The following GRIP1 variants were observed in gnomAD, a reference collection of about 807,000 sequenced individuals.
The protein encoded by GRIP1 is glutamate receptor-interacting protein 1.
GRIP1 carries 45 observed loss-of-function variants against 129.9 expected under a neutral mutation model. The ratio of observed to expected loss-of-function variants is 0.35; its 90% CI spans 0.27 to 0.44. The LOEUF is 0.44. Ranked by LOEUF, GRIP1 falls within the 20% of genes least tolerant of loss-of-function variation. GRIP1 has a pLI of 1.00. For missense variants in GRIP1, 1,196 were observed against 1,396.8 expected (o/e 0.86, Z 2.29); for synonymous variants, 530 against 520.8 (o/e 1.02, Z -0.24).
chr12:66,869,206 A>C (rs1338912743), intron 1 of GRIP1, among the ~76,000 whole-genome samples: 1 of 151,994 alleles, frequency 6.6e-6, no homozygotes. Flanking sequence ...CTTAATAGGT[A>C]CTCAATATTT....
At chr12:66,799,823 AATAAATT>A (rs1193019358) in intron 1 of GRIP1, among the ~76,000 whole-genome samples, 1 of 152,166 alleles carries the variant, frequency 6.6e-6, no homozygotes, top group Middle Eastern at 3.2e-3. Context: ...AACCAGTAAG[AATAAATT>A]ACTTATCTAA....
intron 1 of GRIP1, among the ~76,000 whole-genome samples, chr12:66,964,365 T>C (rs1459830653): frequency 8.6e-5 from 13 of 152,040 alleles, no homozygotes; most frequent in South Asian, 2.1e-4. Flanking sequence ...TGTGTGTGTA[T>C]AGATGTGTGA....
At chr12:66,455,008 G>A (rs1054580203) in intron 11 of GRIP1, among the ~76,000 whole-genome samples, 3 of 152,064 alleles carry the variant, frequency 2.0e-5, no homozygotes, top group African/African-American at 4.8e-5. Context: ...GGGGAGCATC[G>A]TTTTCACAAA....
chr12:66,561,163 A>G (rs2062513288), intron 2 of GRIP1, among the ~76,000 whole-genome samples: 1 of 152,198 alleles, frequency 6.6e-6, no homozygotes, highest in South Asian at 2.1e-4. Context: ...TAGAGAGTAG[A>G]ATAAAGGTTA....
chr12:66,783,884 A>T (rs2038235329), intron 1 of GRIP1, among the ~76,000 whole-genome samples: 1 of 152,178 alleles, frequency 6.6e-6, no homozygotes, highest in African/African-American at 2.4e-5. Context: ...CTTTCTAAAT[A>T]TCTAACCTGT....
chr12:66,478,212 G>C (rs1162810393), intron 7 of GRIP1, among the ~76,000 whole-genome samples: 1 of 152,176 alleles, frequency 6.6e-6, no homozygotes, highest in Non-Finnish European at 1.5e-5. Context: ...CAAAAAGTGG[G>C]CTAAGGATAT....
At chr12:66,690,031 G>C (rs917748192) in intron 1 of GRIP1, among the ~76,000 whole-genome samples, 2 of 151,980 alleles carry the variant, frequency 1.3e-5, no homozygotes, top group Admixed American at 1.3e-4. Context: ...CAATTCTCCT[G>C]CCTCAGCCTC....
intron 1 of GRIP1, among the ~76,000 whole-genome samples, chr12:67,023,662 G>A (rs973576704): frequency 1.3e-5 from 2 of 151,868 alleles, no homozygotes; most frequent in African/African-American, 4.8e-5. Context: ...ATGTCTGCTG[G>A]GATTTTATTG....
At chr12:66,366,766 C>G (rs1565669765) in intron 23 of GRIP1, among the ~76,000 whole-genome samples, 1 of 152,196 alleles carries the variant, frequency 6.6e-6, no homozygotes, top group Non-Finnish European at 1.5e-5. Context: ...TCACTGAAGC[C>G]TTGACCTTCC....
intron 1 of GRIP1, among the ~76,000 whole-genome samples, chr12:67,000,128 C>T (rs1005356021): frequency 7.9e-5 from 12 of 152,092 alleles, no homozygotes; most frequent in African/African-American, 2.9e-4. Context: ...AAGGACCTCT[C>T]GAGGGAAGCA....
At chr12:66,443,495 C>T (rs1329607629) in intron 13 of GRIP1, among the ~76,000 whole-genome samples, 1 of 150,786 alleles carries the variant, frequency 6.6e-6, no homozygotes, top group African/African-American at 2.4e-5. Context: ...GCCCAGATTG[C>T]CCAGGCTGGA....
chr12:66,669,181 G>A (rs796609172), intron 1 of GRIP1, among the ~76,000 whole-genome samples: 1 of 152,148 alleles, frequency 6.6e-6, no homozygotes, highest in African/African-American at 2.4e-5. Flanking sequence ...GGGAGGCCAA[G>A]GTGGGCAGAT....
chr12:66,913,328 G>C (rs2041064210), intron 1 of GRIP1, among the ~76,000 whole-genome samples: 1 of 152,058 alleles, frequency 6.6e-6, no homozygotes, highest in African/African-American at 2.4e-5. Context: ...CATTTTGCAA[G>C]ATTAATGTCT....
chr12:66,911,099 G>T (rs947145668), intron 1 of GRIP1, among the ~76,000 whole-genome samples: 1 of 152,230 alleles, frequency 6.6e-6, no homozygotes. Flanking sequence ...TCTCCCTGGA[G>T]ATGGGTAGAG....
intron 16 of GRIP1, among the ~76,000 whole-genome samples, chr12:66,401,954 G>T (rs1379143242): frequency 2.0e-5 from 3 of 151,998 alleles, no homozygotes; most frequent in Non-Finnish European, 2.9e-5. Flanking sequence ...TCCTCTAATG[G>T]CCCCCCATTG....
chr12:66,746,589 C>A (rs561608951), intron 1 of GRIP1, among the ~76,000 whole-genome samples: 1 of 152,110 alleles, frequency 6.6e-6, no homozygotes, highest in African/African-American at 2.4e-5. Context: ...CCTTTGGTAC[C>A]CTCCTGTTGC....
At chr12:66,357,048 T>C (rs1192081432) in intron 23 of GRIP1, among the ~76,000 whole-genome samples, 5 of 152,098 alleles carry the variant, frequency 3.3e-5, no homozygotes. Flanking sequence ...AGCTAATTTT[T>C]CTATTTTTAA....
At chr12:66,990,210 C>CT (rs1168487700) in intron 1 of GRIP1, among the ~76,000 whole-genome samples, 3 of 152,144 alleles carry the variant, frequency 2.0e-5, no homozygotes, top group African/African-American at 7.2e-5. Flanking sequence ...TAGCTTTCTG[C>CT]TACTTCTCTG....
At chr12:66,763,425 T>C (rs112947840) in intron 1 of GRIP1, among the ~76,000 whole-genome samples, 8 of 152,332 alleles carry the variant, frequency 5.3e-5, no homozygotes, top group African/African-American at 1.7e-4. Context: ...ATGTTTTCCA[T>C]GTAAAATTAC....
Sources: allele counts gnomAD v4.1 joint callset (sites outside exome capture counted in the v4.1 genomes callset), GRCh38; gene constraint gnomAD v4.1.1; transcripts MANE v1.5; gene names NCBI Gene and HGNC (gene_info 2026-07-23, HGNC 2026-07-21).